WNT9A: variants seen among roughly 807,000 people sequenced by gnomAD.
The protein encoded by WNT9A is protein Wnt-9a.
A neutral mutation model predicts 31.4 loss-of-function variants in WNT9A; 8 were observed. The observed-to-expected ratio is 0.26, with a 90% CI of 0.15 to 0.46. WNT9A has a LOEUF of 0.46. Ranked by LOEUF, WNT9A falls within the 20% of genes least tolerant of loss-of-function variation. The probability of loss-of-function intolerance (pLI) is 0.99; values close to 1 mark genes in which losing one functional copy is unlikely to be tolerated. For missense variants in WNT9A, 457 were observed against 522.9 expected (o/e 0.87, Z 1.23); for synonymous variants, 236 against 220.1 (o/e 1.07, Z -0.64).
chr1:227,940,305 G>T (rs1243956851), intron 1 of WNT9A, among the ~76,000 whole-genome samples: 3 of 152,170 alleles, frequency 2.0e-5, no homozygotes, highest in African/African-American at 7.2e-5. Context: ...GACCCCCCGG[G>T]GGAAAGGTGA....
chr1:227,923,046 AG>A (rs779084537), intron 3 of WNT9A, among the ~76,000 whole-genome samples: 3 of 152,192 alleles, frequency 2.0e-5, no homozygotes, highest in Admixed American at 6.5e-5. Flanking sequence ...GAAGAGGGGA[AG>A]GGGGGTCATA....
At position 227,921,252 on chromosome 1, in the gene WNT9A, T is replaced by A; in HGVS notation, c.*266A>T. The A allele has an allele frequency of 4.5e-6, 2 of 444,520 alleles. No individual in the cohort carries two copies. 27.5% of individuals were successfully genotyped at this position (444,520 alleles called of 1,614,324 possible). A position where few individuals can be genotyped will look rare whatever the true frequency, so the allele number is the denominator to read the frequency against. On this transcript the variant is annotated 3_prime_UTR_variant, in exon 4 of 4. Coordinates refer to ENST00000272164, the MANE Select transcript of WNT9A (RefSeq NM_003395.4). ...GCTGACTGGGCCCAGGGATTCAGCC[T>A]TGGCAGGTGTAGGCCCATTCATGCT... is the stretch of plus-strand genomic sequence containing the variant.
intron 1 of WNT9A, chr1:227,941,609 G>C (rs1265848372): frequency 1.3e-5 from 2 of 154,014 alleles, no homozygotes; most frequent in African/African-American, 4.8e-5. Context: ...TCAAGGGACA[G>C]GCGAGGCCCT....
intron 2 of WNT9A, among the ~76,000 whole-genome samples, 179 bp from the exon 3 acceptor site, chr1:227,924,579 T>C (rs10916245): frequency 0.55 from 84,370 of 152,092 alleles, 23,925 homozygotes; most frequent in African/African-American, 0.68. Context: ...AGGAAACGCC[T>C]GGGTGTCCCA....
At chr1:227,944,325 G>T (rs1326374665) in intron 1 of WNT9A, among the ~76,000 whole-genome samples, 1 of 152,228 alleles carries the variant, frequency 6.6e-6, no homozygotes, top group Non-Finnish European at 1.5e-5. Context: ...CAGACCCGTG[G>T]AGAAAGAACG....
At position 227,929,995 on chromosome 1, in the gene WNT9A, G is replaced by A. The variant is rs149346351; in HGVS notation, c.96-4476C>T. Among the ~76,000 whole-genome samples, 13 of 152,300 alleles carry A rather than the reference G, an allele frequency of 8.5e-5. No homozygotes were observed. In the East Asian group the frequency reaches 2.1e-3, roughly 25 times the overall value. ...ACTTCTGTGTTTTATAAGCTCCCAG[G>A]CTGTGGTGTTTTGCCATAGCAGCCT... On this transcript the variant is annotated intron_variant, in intron 1 of 3. Transcript: ENST00000272164.
rs953905637 is a variant in WNT9A at position 227,918,727 on chromosome 1, T to C, written c.*2791A>G. On this transcript the variant is annotated 3_prime_UTR_variant, in exon 4 of 4. Transcript: ENST00000272164. ...CTGTGACACAAAGCTGTTAAATAAATACATTCTCCACAGTCCCTCTGGGAC... is the reference window on the plus strand; with the variant it reads ...CTGTGACACAAAGCTGTTAAATAAACACATTCTCCACAGTCCCTCTGGGAC... 6.6e-6 allele frequency: 1 copy of C among 152,256 alleles called. No individual in the cohort carries two copies. The highest frequency in any genetic ancestry group is 1.5e-5 in the Non-Finnish European group (1 of 68,046). 9.4% of individuals were successfully genotyped at this position (152,256 alleles called of 1,614,324 possible).
Position 227,921,836 on chromosome 1 carries a change from A to T in WNT9A, c.780T>A (p.Ala260=), listed in dbSNP as rs1483773894. 22 of 1,612,984 alleles carry T rather than the reference A, an allele frequency of 1.4e-5. No homozygotes were observed. The highest frequency in any genetic ancestry group is 1.8e-5 in the Non-Finnish European group (21 of 1,179,924). ...GGGAGATGGCACCTGCCTCGCCGGC[A>T]GCTTCATTGGTGGTGCTGCCCACCT... ...ALKVGSTTNE[A]AGEAGAISPP... Residue 260 remains alanine, a synonymous_variant, in exon 4 of 4, where the codon GCT becomes GCA. Coordinates refer to ENST00000272164, the MANE Select transcript of WNT9A (RefSeq NM_003395.4).
At chr1:227,947,265 C>T (rs1157703865) in intron 1 of WNT9A, among the ~76,000 whole-genome samples, 1 of 152,092 alleles carries the variant, frequency 6.6e-6, no homozygotes, top group Admixed American at 6.5e-5. Context: ...AAGCAAAGCG[C>T]AAGAAAAATA....
In WNT9A at chr1:227,925,642, A is replaced by C; in HGVS notation, c.96-123T>G. 1 of 1,380,374 alleles carries C rather than the reference A, an allele frequency of 7.2e-7. No homozygotes were observed. The highest frequency in any genetic ancestry group is 9.5e-7 in the Non-Finnish European group (1 of 1,056,890). The allele number at this position is 1,380,374 out of a possible 1,614,324, so 85.5% of individuals were successfully genotyped here. On this transcript the variant is annotated intron_variant, in intron 1 of 3. Transcript: ENST00000272164. This position sits in a 1 kb window ranked among gnomAD's most constrained non-coding sequence, Gnocchi z 6.0. ...CATCCGGGGGTGAGGGGGCAGAAAG[A>C]ATCCAGGATGAGCCAGGCAGGGGAG...
chr1:227,925,665 G>T lies in WNT9A; in HGVS notation c.96-146C>A. 1 of 1,320,188 alleles carries T rather than the reference G, an allele frequency of 7.6e-7. No homozygotes were observed. The highest frequency in any genetic ancestry group is 1.0e-6 in the Non-Finnish European group (1 of 1,000,252). The allele number at this position is 1,320,188 out of a possible 1,614,324, so 81.8% of individuals were successfully genotyped here. ...AGAATCCAGGATGAGCCAGGCAGGG[G>T]AGAGGGAGGCGAGAAGGGCCTTGGC... is the stretch of plus-strand genomic sequence containing the variant. On this transcript the variant is annotated intron_variant, in intron 1 of 3. Coordinates refer to ENST00000272164, the MANE Select transcript of WNT9A (RefSeq NM_003395.4). The surrounding 1 kb of genome is among the most constrained non-coding windows in gnomAD (Gnocchi z 6.0).
chr1:227,942,950 C>A lies in WNT9A; in HGVS notation c.95+4843G>T, dbSNP rs554217369. Among the ~76,000 whole-genome samples the A allele has an allele frequency of 3.9e-5, 6 of 152,284 alleles. No homozygotes were observed. The South Asian group carries it at 1.2e-3, about 32-fold the overall frequency. The stretch of plus-strand genomic sequence containing the variant: ...CAGCCCCATGATTCCACACCTCAGG[C>A]CCACCCCTCCTTCTCCGGCCCTGCC... On this transcript the variant is annotated intron_variant, in intron 1 of 3. Coordinates refer to ENST00000272164, the MANE Select transcript of WNT9A (RefSeq NM_003395.4). The surrounding 1 kb of genome is among the most constrained non-coding windows in gnomAD (Gnocchi z 5.7).
In WNT9A at chr1:227,925,165, C is replaced by T. The variant is rs1054364580; in HGVS notation, c.352+98G>A. 7.0e-7 allele frequency: 1 copy of T among 1,420,686 alleles called. No homozygotes were observed. The highest frequency in any genetic ancestry group is 1.5e-5 in the African/African-American group (1 of 68,740). The allele number at this position is 1,420,686 out of a possible 1,614,324, so 88.0% of individuals were successfully genotyped here. A position where few individuals can be genotyped will look rare whatever the true frequency, so the allele number is the denominator to read the frequency against. On this transcript the variant is annotated intron_variant, in intron 2 of 3. Coordinates refer to ENST00000272164, the MANE Select transcript of WNT9A (RefSeq NM_003395.4). This position sits in a 1 kb window ranked among gnomAD's most constrained non-coding sequence, Gnocchi z 6.0. ...TCTGGGCAGGCTGGGCCCGGCGTCC[C>T]CAGGAGCGCAGCCTAAGAGGGGCCT...
chr1:227,924,465 A>G (rs1217425000), intron 2 of WNT9A, 65 bp from the exon 3 acceptor site: 1 of 1,550,536 alleles, frequency 6.4e-7, no homozygotes, highest in Non-Finnish European at 8.7e-7. Flanking sequence ...ACTGTCCTGC[A>G]GCCAAATCAC....
At chr1:227,941,004 C>T (rs1252672113) in intron 1 of WNT9A, among the ~76,000 whole-genome samples, 1 of 152,254 alleles carries the variant, frequency 6.6e-6, no homozygotes, top group Non-Finnish European at 1.5e-5. Flanking sequence ...ACCAGGGTCA[C>T]GTCCCCGCCG....
At chr1:227,937,113 C>A (rs77622452) in intron 1 of WNT9A, among the ~76,000 whole-genome samples, 2,440 of 152,322 alleles carry the variant, frequency 0.016, 27 homozygotes, top group Non-Finnish European at 0.023. Context: ...TTAAATCAGG[C>A]CTTACTTACT....
chr1:227,921,779 G>T lies in WNT9A; in HGVS notation c.837C>A (p.Gly279=). The T allele has an allele frequency of 6.2e-7, 1 of 1,612,328 alleles. No individual in the cohort carries two copies. Among genetic ancestry groups the T allele is most frequent in the Non-Finnish European group, 8.5e-7 (1 of 1,179,642 alleles). The change falls in exon 4 of 4, where the codon GGC becomes GGA. Residue 279 remains glycine (G), a synonymous_variant. Transcript: ENST00000272164. The part of the protein sequence containing the change: ...PPRGRASGAG[G]SDPLPRTPEL... ...CTGGAGTGCGGGGCAGCGGGTCGCTGCCACCTGCCCCCGAGGCACGGCCCC... is the reference window on the plus strand; with the variant it reads ...CTGGAGTGCGGGGCAGCGGGTCGCTTCCACCTGCCCCCGAGGCACGGCCCC...
chr1:227,933,472 T>G (rs1159066287), intron 1 of WNT9A, among the ~76,000 whole-genome samples: 1 of 152,150 alleles, frequency 6.6e-6, no homozygotes, highest in Non-Finnish European at 1.5e-5. Context: ...TTTACTGGAG[T>G]AGCACTTTCC....
rs567727173 is a variant in WNT9A, at chr1:227,925,963, A to G, written c.96-444T>C. On this transcript the variant is annotated intron_variant, in intron 1 of 3. Coordinates refer to ENST00000272164, the MANE Select transcript of WNT9A (RefSeq NM_003395.4). This position sits in a 1 kb window ranked among gnomAD's most constrained non-coding sequence, Gnocchi z 6.0. ...CCCTCTTTGGCCCCAGCTGACCCGCAGGATCCCGCCTGAGGTCCCCCTACC... is the reference window on the plus strand; with the variant it reads ...CCCTCTTTGGCCCCAGCTGACCCGCGGGATCCCGCCTGAGGTCCCCCTACC... Among the ~76,000 whole-genome samples the G allele has an allele frequency of 3.3e-5, 5 of 151,986 alleles. No individual in the cohort carries two copies. In the East Asian group the frequency reaches 9.8e-4, roughly 30 times the overall value.
Sources: allele counts gnomAD v4.1 joint callset (sites outside exome capture counted in the v4.1 genomes callset), GRCh38; gene constraint gnomAD v4.1.1; non-coding constraint Gnocchi (gnomAD v3.1); transcripts MANE v1.5; gene names NCBI Gene and HGNC (gene_info 2026-07-23, HGNC 2026-07-21).